The following CENPW variants were observed in gnomAD, a reference collection of about 807,000 sequenced individuals.
CENPW encodes centromere protein W.
A neutral mutation model predicts 11.1 loss-of-function variants in CENPW; 3 were observed. The ratio of observed to expected loss-of-function variants is 0.27; its 90% CI spans 0.12 to 0.70. CENPW has a LOEUF of 0.70. Among genes scored for constraint, CENPW ranks in the 30% least tolerant of loss-of-function variants. CENPW has a pLI of 0.77. For synonymous variants in CENPW, 38 were observed against 42.0 expected, an observed-to-expected ratio of 0.91 and a Z score of 0.37; for missense variants, 100 against 105.6, an observed-to-expected ratio of 0.95 and a Z score of 0.23.
chr6:126,472,394 T>C, the CENPW span, among the ~76,000 whole-genome samples: 2 of 152,252 alleles, frequency 1.3e-5, no homozygotes, highest in Non-Finnish European at 2.9e-5. Context: ...CAGGTTTATA[T>C]GAATGGAATC....
At chr6:126,429,050 T>C in the CENPW span, among the ~76,000 whole-genome samples, 1 of 152,208 alleles carries the variant, frequency 6.6e-6, no homozygotes, top group Non-Finnish European at 1.5e-5. Context: ...TTTATGTTTG[T>C]ACAACAATTT....
At chr6:126,353,588 G>T (rs188025583), downstream of CENPW, among the ~76,000 whole-genome samples, 14 of 151,842 alleles carry the variant, frequency 9.2e-5, no homozygotes, top group African/African-American at 3.4e-4. Context: ...TCTGCTTGGG[G>T]TTCCTGCCTG....
the CENPW span, among the ~76,000 whole-genome samples, chr6:126,481,479 A>G: frequency 2.2e-4 from 34 of 152,072 alleles, no homozygotes; most frequent in Non-Finnish European, 4.6e-4. Flanking sequence ...TGTGTCCTAT[A>G]TGGTGGAAAG....
At chr6:126,420,653 A>G in the CENPW span, among the ~76,000 whole-genome samples, 1 of 152,160 alleles carries the variant, frequency 6.6e-6, no homozygotes, top group South Asian at 2.1e-4. Context: ...AGAAATAAAC[A>G]CCTGGCAATC....
chr6:126,441,053 G>A, the CENPW span, among the ~76,000 whole-genome samples: 1 of 151,362 alleles, frequency 6.6e-6, no homozygotes, highest in African/African-American at 2.4e-5. Flanking sequence ...TTGCAGTATG[G>A]CAGATTCTGC....
At chr6:126,418,272 G>T in the CENPW span, among the ~76,000 whole-genome samples, 13 of 152,260 alleles carry the variant, frequency 8.5e-5, no homozygotes, top group African/African-American at 2.9e-4. Context: ...AATAATATAT[G>T]CTCACACAAA....
In CENPW at chr6:126,346,216, CTG is replaced by C. The variant is rs768943060; in HGVS notation, c.140_141del (p.Cys47PhefsTer19). 2 of 1,587,348 alleles carry C rather than the reference CTG, an allele frequency of 1.3e-6. No homozygotes were observed. Among genetic ancestry groups the C allele is most frequent in the African/African-American group, 2.7e-5 (2 of 74,682 alleles). On this transcript the variant is annotated frameshift_variant, in exon 2 of 3. Transcript: ENST00000368328. LOFTEE classifies it high-confidence loss of function. ...KSGDLLVHLN[C>X]LLFVHRLAEE... ...TTTCTGTTTTAAAGGTCCATCTGAA[CTG>C]TTTACTGTTTGTTCATCGATTAGCA...
the CENPW span, among the ~76,000 whole-genome samples, chr6:126,469,862 G>A: frequency 6.6e-6 from 1 of 152,208 alleles, no homozygotes; most frequent in Non-Finnish European, 1.5e-5. Flanking sequence ...TGGAAGAAAT[G>A]TCTAAGCAGC....
At chr6:126,362,281 G>A in the CENPW span, among the ~76,000 whole-genome samples, 1 of 152,166 alleles carries the variant, frequency 6.6e-6, no homozygotes, top group Non-Finnish European at 1.5e-5. Flanking sequence ...CATGGGCTCT[G>A]TGCCAGTTGA....
chr6:126,370,924 T>G, the CENPW span, among the ~76,000 whole-genome samples: 1,939 of 151,222 alleles, frequency 0.013, 16 homozygotes, highest in Middle Eastern at 0.051. Context: ...GGCTAATTTT[T>G]TGTGTGTGTG....
the CENPW span, among the ~76,000 whole-genome samples, chr6:126,444,480 T>C: frequency 6.6e-6 from 1 of 151,126 alleles, no homozygotes; most frequent in Non-Finnish European, 1.5e-5. Context: ...TTCAAATCCA[T>C]TTATTTGTTC....
the CENPW span, among the ~76,000 whole-genome samples, chr6:126,419,302 C>CT: frequency 1.1e-4 from 16 of 152,192 alleles, no homozygotes; most frequent in African/African-American, 3.9e-4. Context: ...CCAAACGTTT[C>CT]TTTTTTCACA....
At chr6:126,367,661 T>C in the CENPW span, among the ~76,000 whole-genome samples, 1 of 152,118 alleles carries the variant, frequency 6.6e-6, no homozygotes. Context: ...TTTAGAATCA[T>C]TGTAGGGACC....
At chr6:126,421,000 A>G in the CENPW span, among the ~76,000 whole-genome samples, 1 of 152,146 alleles carries the variant, frequency 6.6e-6, no homozygotes, top group Non-Finnish European at 1.5e-5. Flanking sequence ...GAAGGTAGTC[A>G]TTCTTTGTTT....
the CENPW span, among the ~76,000 whole-genome samples, chr6:126,416,823 A>C: frequency 6.6e-6 from 1 of 152,354 alleles, no homozygotes; most frequent in Non-Finnish European, 1.5e-5. Flanking sequence ...AGTTTGCTGC[A>C]GGATCAGGGG....
the CENPW span, among the ~76,000 whole-genome samples, chr6:126,375,328 G>T: frequency 6.6e-6 from 1 of 152,226 alleles, no homozygotes; most frequent in East Asian, 1.9e-4. Flanking sequence ...TTTATTCTCA[G>T]TGGGAAGGGA....
chr6:126,411,452 CATGTACAGA>C, the CENPW span, among the ~76,000 whole-genome samples: 3 of 152,162 alleles, frequency 2.0e-5, no homozygotes. Flanking sequence ...TGCTGAGTTT[CATGTACAGA>C]TGCTTGAAGT....
chr6:126,480,105 C>T, the CENPW span, among the ~76,000 whole-genome samples: 2 of 151,886 alleles, frequency 1.3e-5, no homozygotes, highest in Non-Finnish European at 2.9e-5. Context: ...TTCCCCTTGC[C>T]ATATTTATAA....
the CENPW span, among the ~76,000 whole-genome samples, chr6:126,457,659 A>G: frequency 6.6e-6 from 1 of 151,282 alleles, no homozygotes; most frequent in Non-Finnish European, 1.5e-5. Context: ...CTCATTTTAC[A>G]GGAAAGCAAG....
Sources: gnomAD v4.1 joint callset for allele counts (sites outside exome capture counted in the v4.1 genomes callset) on GRCh38, gnomAD v4.1.1 for gene constraint, MANE v1.5 for transcripts, NCBI Gene and HGNC (gene_info 2026-07-23, HGNC 2026-07-21) for gene names.